The following ACOXL variants were observed in gnomAD, a reference collection of about 807,000 sequenced individuals.
ACOXL encodes acyl-CoA oxidase like.
A neutral mutation model predicts 71.9 loss-of-function variants in ACOXL; 70 were observed. The ratio of observed to expected loss-of-function variants is 0.97; its 90% CI spans 0.80 to 1.19. The LOEUF (loss-of-function observed/expected upper bound fraction) is 1.19, where lower values mean the gene tolerates loss of function less well. ACOXL is among the 50% of genes most tolerant of loss of function. The pLI is 0.00. For synonymous variants in ACOXL, 253 were observed against 281.6 expected, an observed-to-expected ratio of 0.90 and a Z score of 1.02; for missense variants, 703 against 736.3, an observed-to-expected ratio of 0.95 and a Z score of 0.52.
At chr2:111,009,405 T>A (rs1043237655) in intron 14 of ACOXL, among the ~76,000 whole-genome samples, 1 of 151,176 alleles carries the variant, frequency 6.6e-6, no homozygotes, top group African/African-American at 2.4e-5. Context: ...TCCCAGCTAC[T>A]CAGGAGGCTG....
chr2:110,877,218 G>A (rs1231926966), intron 10 of ACOXL, among the ~76,000 whole-genome samples: 6 of 152,220 alleles, frequency 3.9e-5, no homozygotes, highest in African/African-American at 7.2e-5. Context: ...GAGGCGGCAC[G>A]CAGAGGGTCG....
At chr2:110,911,011 T>A (rs1336582238) in intron 11 of ACOXL, among the ~76,000 whole-genome samples, 1 of 152,168 alleles carries the variant, frequency 6.6e-6, no homozygotes, top group Non-Finnish European at 1.5e-5. Context: ...GACATTGCTA[T>A]AACTGTAACT....
chr2:110,903,252 C>G (rs975267022), intron 10 of ACOXL, among the ~76,000 whole-genome samples: 4 of 152,360 alleles, frequency 2.6e-5, no homozygotes, highest in Middle Eastern at 3.4e-3. Flanking sequence ...GCGGCCCCCC[C>G]AGAGGCTGCG....
intron 1 of ACOXL, among the ~76,000 whole-genome samples, chr2:110,741,412 C>T (rs1287980652): frequency 4.6e-5 from 7 of 152,120 alleles, no homozygotes; most frequent in Non-Finnish European, 7.4e-5. Flanking sequence ...ACATGGTCTT[C>T]CCTCTGTACC....
At chr2:110,848,379 A>G (rs925963162) in intron 10 of ACOXL, among the ~76,000 whole-genome samples, 3 of 152,234 alleles carry the variant, frequency 2.0e-5, no homozygotes, top group South Asian at 4.1e-4. Context: ...CCCCAATGGT[A>G]TAATCTTAAA....
intron 14 of ACOXL, among the ~76,000 whole-genome samples, chr2:111,017,648 G>A (rs2064523503): frequency 6.6e-6 from 1 of 152,200 alleles, no homozygotes. Flanking sequence ...TTCTCTGGGG[G>A]CAGTGCTAAC....
Position 110,850,502 on chromosome 2 carries a change from A to G in ACOXL, c.788+9097A>G, listed in dbSNP as rs74955714. On this transcript the variant is annotated intron_variant, in intron 10 of 17. Transcript: ENST00000439055. ...AGATGCATAGATGGCAAATAAGACCATGAAGGGATGCTCACCCTCATTAGT... is the reference window on the plus strand; with the variant it reads ...AGATGCATAGATGGCAAATAAGACCGTGAAGGGATGCTCACCCTCATTAGT... 8.8e-3 allele frequency among the ~76,000 whole-genome samples: 1,346 copies of G among 152,356 alleles called. 9 individuals are homozygous for G. The highest frequency in any genetic ancestry group is 0.014 in the Non-Finnish European group (947 of 68,038).
chr2:110,824,907 T>A (rs1055422216), intron 9 of ACOXL, among the ~76,000 whole-genome samples: 1 of 152,218 alleles, frequency 6.6e-6, no homozygotes, highest in African/African-American at 2.4e-5. Flanking sequence ...TTGGACGTTA[T>A]GATTGTTGTG....
At chr2:111,033,710 A>G (rs1321054943) in intron 15 of ACOXL, among the ~76,000 whole-genome samples, 1 of 152,214 alleles carries the variant, frequency 6.6e-6, no homozygotes, top group African/African-American at 2.4e-5. Context: ...GGTATGAAAC[A>G]GTACTTGAGA....
chr2:110,870,459 G>A (rs1695137875), intron 10 of ACOXL, among the ~76,000 whole-genome samples: 2 of 152,160 alleles, frequency 1.3e-5, no homozygotes, highest in East Asian at 3.8e-4. Flanking sequence ...AATTCCAGGG[G>A]CAGGAGGGGA....
At chr2:110,910,882 G>T (rs1005475798) in intron 11 of ACOXL, among the ~76,000 whole-genome samples, 7 of 152,064 alleles carry the variant, frequency 4.6e-5, no homozygotes, top group African/African-American at 1.7e-4. Context: ...GGTCAGTGTG[G>T]ATTTTGCCTT....
intron 17 of ACOXL, among the ~76,000 whole-genome samples, chr2:111,096,144 C>T (rs922504903): frequency 3.3e-5 from 5 of 152,136 alleles, no homozygotes; most frequent in Non-Finnish European, 5.9e-5. Context: ...TTTACTGATT[C>T]TTTCTTCAGA....
intron 16 of ACOXL, among the ~76,000 whole-genome samples, chr2:111,082,628 T>C (rs1005583580): frequency 1.3e-5 from 2 of 151,932 alleles, no homozygotes; most frequent in African/African-American, 2.4e-5. Flanking sequence ...TTTCTGGTTC[T>C]AGATTCCAGT....
At chr2:110,815,938 T>C (rs1176491875) in intron 9 of ACOXL, among the ~76,000 whole-genome samples, 1 of 152,204 alleles carries the variant, frequency 6.6e-6, no homozygotes, top group Non-Finnish European at 1.5e-5. Flanking sequence ...GAACAGGACC[T>C]GGTACTTAGT....
At chr2:111,024,444 A>G (rs2064921510) in intron 14 of ACOXL, among the ~76,000 whole-genome samples, 2 of 152,150 alleles carry the variant, frequency 1.3e-5, no homozygotes, top group African/African-American at 4.8e-5. Flanking sequence ...CAAGCCAAGG[A>G]ATGTTGGAGA....
intron 10 of ACOXL, among the ~76,000 whole-genome samples, chr2:110,849,629 G>A (rs1433487909): frequency 7.9e-5 from 12 of 152,220 alleles, no homozygotes; most frequent in East Asian, 1.9e-4. Flanking sequence ...GTGGTGGCAC[G>A]TGCTTGTAAT....
chr2:110,964,254 A>G (rs2061832778), intron 12 of ACOXL, among the ~76,000 whole-genome samples: 1 of 152,204 alleles, frequency 6.6e-6, no homozygotes, highest in African/African-American at 2.4e-5. Context: ...ACTTTAAGGC[A>G]CAAACATTTT....
chr2:111,052,792 AC>A (rs2066357094), intron 16 of ACOXL, among the ~76,000 whole-genome samples: 1 of 152,004 alleles, frequency 6.6e-6, no homozygotes. Context: ...TCCAGGTGTC[AC>A]CTGAGCTCAC....
At chr2:111,093,695 T>TTGC in intron 17 of ACOXL, 1 of 623,022 alleles carries the variant, frequency 1.6e-6, no homozygotes, top group Non-Finnish European at 2.7e-6. Flanking sequence ...TGAAACCCTG[T>TTGC]CTACTAAAAT....
Sources: gnomAD v4.1 joint callset for allele counts (sites outside exome capture counted in the v4.1 genomes callset) on GRCh38, gnomAD v4.1.1 for gene constraint, MANE v1.5 for transcripts, NCBI Gene and HGNC (gene_info 2026-07-23, HGNC 2026-07-21) for gene names.